TRDMT1: variants seen among roughly 807,000 people sequenced by gnomAD.
The protein encoded by TRDMT1 is tRNA aspartic acid methyltransferase 1.
In TRDMT1, 49 loss-of-function variants were observed where a neutral mutation model predicts 51.2. The observed-to-expected ratio is 0.96, with a 90% CI of 0.76 to 1.21. The LOEUF is 1.21. TRDMT1 is among the 50% of genes most tolerant of loss of function. The probability of loss-of-function intolerance (pLI) is 0.00; values close to 1 mark genes in which losing one functional copy is unlikely to be tolerated. For missense variants in TRDMT1, 534 were observed against 462.3 expected (o/e 1.16, Z -1.42); for synonymous variants, 187 against 164.6 (o/e 1.14, Z -1.04).
intron 1 of TRDMT1, among the ~76,000 whole-genome samples, chr10:17,188,403 G>A (rs1038860792): frequency 8.5e-5 from 13 of 152,112 alleles, no homozygotes; most frequent in Non-Finnish European, 4.4e-5. Flanking sequence ...AGTATTTCCT[G>A]TGAGTTTATA....
intron 9 of TRDMT1, 66 bp from the exon 10 acceptor site, chr10:17,153,702 G>A (rs1031904252): frequency 2.0e-6 from 3 of 1,474,936 alleles, no homozygotes; most frequent in Non-Finnish European, 2.7e-6. Flanking sequence ...CTCCTGCTGT[G>A]AGATAGTTGA....
intron 1 of TRDMT1, among the ~76,000 whole-genome samples, chr10:17,191,664 G>A (rs1395426035): frequency 3.3e-5 from 5 of 152,152 alleles, no homozygotes; most frequent in Admixed American, 3.3e-4. Flanking sequence ...CCCTGCAGTA[G>A]AGACGCTACT....
rs1353371488 is a variant in TRDMT1, at chr10:17,148,621, G to A, written c.*419C>T. On this transcript the variant is annotated 3_prime_UTR_variant, in exon 11 of 11. Coordinates refer to ENST00000377799, the MANE Select transcript of TRDMT1 (RefSeq NM_004412.7). ...TTGGAAATTAAGTAAAACATTCAAT[G>A]GGCTAGAATTAGAATCATTATTTTA... 2.1e-6 allele frequency: 2 copies of A among 967,926 alleles called. No homozygotes were observed. The highest frequency in any genetic ancestry group is 2.5e-6 in the Non-Finnish European group (2 of 814,102). The allele number at this position is 967,926 out of a possible 1,614,324, so 60.0% of individuals were successfully genotyped here. A position where few individuals can be genotyped will look rare whatever the true frequency, so the allele number is the denominator to read the frequency against.
chr10:17,145,775 T>C lies in TRDMT1; in HGVS notation c.*3265A>G, dbSNP rs570884532. On this transcript the variant is annotated 3_prime_UTR_variant, in exon 11 of 11. Transcript: ENST00000377799. ...AAGCAAAAGAGCAACCAGAGTGACT[T>C]TGGTTTGGATGCAGATGCAGCTGGC... 1.7e-5 allele frequency: 17 copies of C among 985,476 alleles called. No individual in the cohort carries two copies. The Admixed American group carries it at 4.3e-4, about 25-fold the overall frequency. 61.0% of individuals were successfully genotyped at this position (985,476 alleles called of 1,614,324 possible).
At chr10:17,195,953 C>A (rs1330994818) in intron 1 of TRDMT1, among the ~76,000 whole-genome samples, 1 of 151,932 alleles carries the variant, frequency 6.6e-6, no homozygotes, top group Admixed American at 6.6e-5. Flanking sequence ...AAAAATTAAG[C>A]GGTTCATAGG....
At chr10:17,170,421 T>C (rs1248257191) in intron 2 of TRDMT1, among the ~76,000 whole-genome samples, 1 of 152,236 alleles carries the variant, frequency 6.6e-6, no homozygotes, top group Non-Finnish European at 1.5e-5. Context: ...ACTATACAAG[T>C]TAAGGAAAAT....
rs12267655 is a variant in TRDMT1, at chr10:17,139,085, C to T, written c.*9955G>A. 1.9e-5 allele frequency: 15 copies of T among 792,182 alleles called. No individual in the cohort carries two copies. The highest frequency in any genetic ancestry group is 2.0e-5 in the Non-Finnish European group (13 of 653,404). The allele number at this position is 792,182 out of a possible 1,614,324, so 49.1% of individuals were successfully genotyped here. ...AGCTTTCTCTACCTCCAACAGCTCC[C>T]GGAATGGGGACTTCAGCAGCTCCAT... On this transcript the variant is annotated 3_prime_UTR_variant, in exon 11 of 11. Transcript: ENST00000377799.
At position 17,144,724 on chromosome 10, in the gene TRDMT1, T is replaced by C. The variant is rs1374497009; in HGVS notation, c.*4316A>G. On this transcript the variant is annotated 3_prime_UTR_variant, in exon 11 of 11. Coordinates refer to ENST00000377799, the MANE Select transcript of TRDMT1 (RefSeq NM_004412.7). ...GAGTTTGGATCTTGATTGTGTAAGA[T>C]TTTGAAGAGCATGAGTACCTTAAAA... The C allele has an allele frequency of 2.0e-6, 2 of 985,278 alleles. No homozygotes were observed. The highest frequency in any genetic ancestry group is 1.2e-4 in the Admixed American group (2 of 16,254). The allele number at this position is 985,278 out of a possible 1,614,324, so 61.0% of individuals were successfully genotyped here.
intron 1 of TRDMT1, among the ~76,000 whole-genome samples, chr10:17,176,748 C>A (rs1345339498): frequency 2.0e-5 from 3 of 152,118 alleles, no homozygotes; most frequent in East Asian, 1.9e-4. Context: ...TTTTAAAAAG[C>A]AAACCTGTCA....
chr10:17,186,855 T>C (rs1294029012), intron 1 of TRDMT1, among the ~76,000 whole-genome samples: 1 of 152,158 alleles, frequency 6.6e-6, no homozygotes, highest in Non-Finnish European at 1.5e-5. Context: ...CCATTAAAAG[T>C]TTATAAATTC....
At chr10:17,165,658 C>A (rs1444353843) in intron 3 of TRDMT1, among the ~76,000 whole-genome samples, 1 of 150,796 alleles carries the variant, frequency 6.6e-6, no homozygotes, top group Non-Finnish European at 1.5e-5. Context: ...ACAATGAACT[C>A]AAAACAAATT....
intron 3 of TRDMT1, among the ~76,000 whole-genome samples, chr10:17,164,286 A>G (rs867196360): frequency 1.8e-4 from 27 of 152,152 alleles, no homozygotes; most frequent in East Asian, 5.8e-4. Flanking sequence ...TATCTCAATA[A>G]ATGCAGAAAA....
chr10:17,193,891 C>T (rs930273193), intron 1 of TRDMT1, among the ~76,000 whole-genome samples: 2 of 152,190 alleles, frequency 1.3e-5, no homozygotes, highest in Non-Finnish European at 2.9e-5. Flanking sequence ...AGAGGTATCA[C>T]ATTAATGGAC....
Position 17,145,491 on chromosome 10 carries a change from A to G in TRDMT1, c.*3549T>C. 1 of 985,454 alleles carries G rather than the reference A, an allele frequency of 1.0e-6. No individual in the cohort carries two copies. The highest frequency in any genetic ancestry group is 4.7e-5 in the South Asian group (1 of 21,290). 61.0% of individuals were successfully genotyped at this position (985,454 alleles called of 1,614,324 possible). A position where few individuals can be genotyped will look rare whatever the true frequency, so the allele number is the denominator to read the frequency against. On this transcript the variant is annotated 3_prime_UTR_variant, in exon 11 of 11. Transcript: ENST00000377799. ...AATCTCAATGCAATCACAGGCTACA[A>G]GAAAACTGCTGAGGCTATATGACCC...
rs1476870337 is a variant in TRDMT1, at chr10:17,146,718, A to C, written c.*2322T>G. 1 of 985,340 alleles carries C rather than the reference A, an allele frequency of 1.0e-6. No homozygotes were observed. The allele number at this position is 985,340 out of a possible 1,614,324, so 61.0% of individuals were successfully genotyped here. On this transcript the variant is annotated 3_prime_UTR_variant, in exon 11 of 11. Transcript: ENST00000377799. ...AGAAGCTATGTTTTCCAACATCTGA[A>C]TAAATGTACAAGTCCAAATATCAGG...
intron 1 of TRDMT1, among the ~76,000 whole-genome samples, chr10:17,178,852 T>C (rs1282086323): frequency 6.6e-6 from 1 of 152,172 alleles, no homozygotes; most frequent in Non-Finnish European, 1.5e-5. Flanking sequence ...ATACCTTAGA[T>C]TATTATTGTT....
At chr10:17,169,583 T>C in intron 2 of TRDMT1, 1 of 1,251,974 alleles carries the variant, frequency 8.0e-7, no homozygotes, top group Admixed American at 2.3e-5. Flanking sequence ...CGTCAGGGGT[T>C]TGCCAACTCA....
chr10:17,159,017 T>A lies in TRDMT1; in HGVS notation c.543+129A>T, dbSNP rs951472207. The A allele has an allele frequency of 2.3e-5, 12 of 521,406 alleles. No individual in the cohort carries two copies. The East Asian group carries it at 3.7e-4, about 16-fold the overall frequency. The allele number at this position is 521,406 out of a possible 1,614,324, so 32.3% of individuals were successfully genotyped here. Reference sequence around the variant, plus strand: ...CCTTGAAGATGGACCTAGGGCATGGTCTATACTTTAGATTCTATAGTACAC... The same window carrying A: ...CCTTGAAGATGGACCTAGGGCATGGACTATACTTTAGATTCTATAGTACAC... On this transcript the variant is annotated intron_variant, in intron 7 of 10. Transcript: ENST00000377799.
intron 1 of TRDMT1, among the ~76,000 whole-genome samples, chr10:17,190,121 A>G (rs937618525): frequency 2.0e-5 from 3 of 152,194 alleles, no homozygotes; most frequent in Non-Finnish European, 2.9e-5. Context: ...AATTTTTAAA[A>G]TTCCAACATA....
Sources: allele counts gnomAD v4.1 joint callset (sites outside exome capture counted in the v4.1 genomes callset), GRCh38; gene constraint gnomAD v4.1.1; transcripts MANE v1.5; gene names NCBI Gene and HGNC (gene_info 2026-07-23, HGNC 2026-07-21).